The following ECEL1 variants were observed in gnomAD, a reference collection of about 807,000 sequenced individuals.
The protein encoded by ECEL1 is endothelin-converting enzyme-like 1.
ECEL1 carries 87 observed loss-of-function variants against 101.8 expected under a neutral mutation model. That is an observed-to-expected ratio of 0.85 (90% CI 0.72 to 1.02). ECEL1 has a LOEUF of 1.02. Among genes scored for constraint, ECEL1 ranks in the 50% least tolerant of loss-of-function variants. The pLI, the probability that ECEL1 is intolerant of heterozygous loss-of-function variation, is 0.00. For synonymous variants in ECEL1, 487 were observed against 468.7 expected, an observed-to-expected ratio of 1.04 and a Z score of -0.50; for missense variants, 1,032 against 1,079.2, an observed-to-expected ratio of 0.96 and a Z score of 0.61.
chr2:232,484,408 G>T lies in ECEL1; in HGVS notation c.1184+64C>A, dbSNP rs1023366161. 21 of 1,599,880 alleles carry T rather than the reference G, an allele frequency of 1.3e-5. No individual in the cohort carries two copies. The East Asian group carries it at 4.0e-4, about 31-fold the overall frequency. ...AATGTAAAGCCCACCCAGCAGAGAG[G>T]TCCAGGGTGCAGGGGAAGGACCTAG... On this transcript the variant is annotated intron_variant, in intron 6 of 17. Transcript: ENST00000304546.
intron 12 of ECEL1, 40 bp downstream of exon 12, chr2:232,482,378 C>G: frequency 6.2e-7 from 1 of 1,612,806 alleles, no homozygotes; most frequent in Non-Finnish European, 8.5e-7. Context: ...GCAATGCCAG[C>G]CCTGCCCTCA....
intron 9 of ECEL1, 36 bp from the exon 10 acceptor site, chr2:232,482,990 AG>A: frequency 1.2e-6 from 2 of 1,613,302 alleles, no homozygotes; most frequent in Non-Finnish European, 1.7e-6. Context: ...GCGGCAGGCC[AG>A]GGCAGGGCTA....
Position 232,481,162 on chromosome 2 carries a change from G to A in ECEL1, c.1990-6C>T, listed in dbSNP as rs180767588. 2.4e-4 allele frequency: 376 copies of A among 1,561,166 alleles called. 1 individual carries two copies. Among genetic ancestry groups the A allele is most frequent in the Middle Eastern group, 6.7e-4 (4 of 6,002 alleles). On this transcript the variant is annotated splice_polypyrimidine_tract_variant and splice_region_variant and intron_variant, in intron 14 of 17. Transcript: ENST00000304546. ...AGCGTGTGTTTCCCGTTCACCTGCC[G>A]GGAAGGGAAGAGGCCAGGGGGCTGC...
At position 232,486,047 on chromosome 2, in the gene ECEL1, C is replaced by G. The variant is rs1690714758; in HGVS notation, c.607G>C (p.Glu203Gln). The G allele has an allele frequency of 6.2e-7, 1 of 1,608,772 alleles. No homozygotes were observed. The highest frequency in any genetic ancestry group is 1.7e-5 in the Admixed American group (1 of 59,714). Residue 203 changes from glutamate to glutamine, a missense_variant, in exon 2 of 18, where the codon GAG becomes CAG. Physicochemically the swap from Glu to Gln is conservative, Grantham distance 29 (BLOSUM62 2). Coordinates refer to ENST00000304546, the MANE Select transcript of ECEL1 (RefSeq NM_004826.4). ...CAGCCCCCGCAGTCCTCGATGACCT[C>G]TAGCATGGGTCGCGGGCCCAGTCGC... ...IERLGPRPML[E>Q]VIEDCGGWDL...
rs746115037 is a variant in ECEL1, at chr2:232,484,057, T to C, written c.1351A>G (p.Met451Val). Residue 451 changes from methionine to valine, a missense_variant, in exon 7 of 18, where the codon ATG becomes GTG. Met to Val is a conservative substitution (Grantham distance 21, BLOSUM62 1). Coordinates refer to ENST00000304546, the MANE Select transcript of ECEL1 (RefSeq NM_004826.4). ...TGTACAAAGAGGGCGCCAAGCGCCA[T>C]GCCAAAGTGGCGATTGGCCTGGCCC... Reference protein sequence around the residue: ...CLGQANRHFGMALGALFVHEH... With the variant: ...CLGQANRHFGVALGALFVHEH... 3 of 1,612,786 alleles carry C rather than the reference T, an allele frequency of 1.9e-6. No homozygotes were observed. The highest frequency in any genetic ancestry group is 2.2e-5 in the South Asian group (2 of 91,046).
In ECEL1 at chr2:232,479,908, G is replaced by C. The variant is rs895983565; in HGVS notation, c.*245C>G. The C allele has an allele frequency of 5.3e-6, 3 of 569,218 alleles. No homozygotes were observed. Among genetic ancestry groups the C allele is most frequent in the African/African-American group, 3.8e-5 (2 of 53,198 alleles). 35.3% of individuals were successfully genotyped at this position (569,218 alleles called of 1,614,324 possible). ...CCCGTACAATCCAGCCTGGCAGAGG[G>C]TCTGGCCCCCTTAGAGCAGAATCTG... On this transcript the variant is annotated 3_prime_UTR_variant, in exon 18 of 18. Transcript: ENST00000304546.
chr2:232,481,562 G>C lies in ECEL1; in HGVS notation c.1933C>G (p.Arg645Gly), dbSNP rs756675006. ...WTEASYSRFL[R>G]KAECIVRLYD... is the part of the protein sequence containing the mutation. ...AGACGGACGATGCACTCAGCCTTTC[G>C]CAGGAAGCGGCTGTAGGAGGCCTCC... The change falls in exon 14 of 18, where the codon CGA becomes GGA. Residue 645 changes from arginine to glycine, a missense_variant. By Grantham distance (125) the Arg-to-Gly change is moderately radical. Coordinates refer to ENST00000304546, the MANE Select transcript of ECEL1 (RefSeq NM_004826.4). 1.2e-6 allele frequency: 2 copies of C among 1,613,810 alleles called. No individual in the cohort carries two copies. Among genetic ancestry groups the C allele is most frequent in the South Asian group, 2.2e-5 (2 of 91,070 alleles).
At position 232,481,678 on chromosome 2, in the gene ECEL1, C is replaced by T. The variant is rs760766235; in HGVS notation, c.1865-48G>A. On this transcript the variant is annotated intron_variant, in intron 13 of 17. Coordinates refer to ENST00000304546, the MANE Select transcript of ECEL1 (RefSeq NM_004826.4). ...AGACCCACCCTCACCTGAGCCCCCT[C>T]CCCTCCCCACCCACCAGCCCCAGTT... 3.1e-6 allele frequency: 5 copies of T among 1,595,534 alleles called. No individual in the cohort carries two copies. The African/African-American group carries it at 6.8e-5, about 22-fold the overall frequency.
Position 232,484,793 on chromosome 2 carries a change from A to G in ECEL1, c.1059+8T>C. On this transcript the variant is annotated splice_region_variant and intron_variant, in intron 5 of 17. Coordinates refer to ENST00000304546, the MANE Select transcript of ECEL1 (RefSeq NM_004826.4). ...CCTGCCTGCCCACGAGGACTGGGCC[A>G]CACTCACGTGGGGGGTGATCTTCTG... 1 of 1,613,748 alleles carries G rather than the reference A, an allele frequency of 6.2e-7. No homozygotes were observed. Among genetic ancestry groups the G allele is most frequent in the Non-Finnish European group, 8.5e-7 (1 of 1,179,984 alleles).
intron 2 of ECEL1, among the ~76,000 whole-genome samples, chr2:232,485,507 G>A (rs1309426329): frequency 6.6e-6 from 1 of 152,154 alleles, no homozygotes; most frequent in African/African-American, 2.4e-5. Flanking sequence ...TATCTGTCCG[G>A]GGCATTCGTA....
Position 232,482,474 on chromosome 2 carries a change from A to G in ECEL1, c.1745-5T>C. 6.2e-7 allele frequency: 1 copy of G among 1,614,004 alleles called. No individual in the cohort carries two copies. The highest frequency in any genetic ancestry group is 1.3e-5 in the African/African-American group (1 of 75,034). Reference sequence around the variant, plus strand: ...GCAGGATGCCCGCGGGGAACACTACAAGAAGGGGGTGCTCAGTGGGAAACC... The same window carrying G: ...GCAGGATGCCCGCGGGGAACACTACGAGAAGGGGGTGCTCAGTGGGAAACC... On this transcript the variant is annotated splice_region_variant and splice_polypyrimidine_tract_variant and intron_variant, in intron 11 of 17. Coordinates refer to ENST00000304546, the MANE Select transcript of ECEL1 (RefSeq NM_004826.4).
chr2:232,485,695 T>C (rs551249297), intron 2 of ECEL1, among the ~76,000 whole-genome samples, 173 bp downstream of exon 2: 30 of 152,262 alleles, frequency 2.0e-4, no homozygotes, highest in African/African-American at 7.2e-4. Context: ...GGAAATTACT[T>C]GCGCCCTCCT....
chr2:232,482,682 T>C (rs747066872), intron 10 of ECEL1, 74 bp from the exon 11 acceptor site: 9 of 1,551,042 alleles, frequency 5.8e-6, no homozygotes, highest in Non-Finnish European at 7.9e-6. Flanking sequence ...AGCTTCCTCG[T>C]CAGCCATCTC....
chr2:232,486,149 CG>C lies in ECEL1; in HGVS notation c.504del (p.Gly170ValfsTer33). 1 of 1,566,272 alleles carries C rather than the reference CG, an allele frequency of 6.4e-7. No individual in the cohort carries two copies. Among genetic ancestry groups the C allele is most frequent in the Non-Finnish European group, 8.6e-7 (1 of 1,161,088 alleles). On this transcript the variant is annotated frameshift_variant, in exon 2 of 18. Coordinates refer to ENST00000304546, the MANE Select transcript of ECEL1 (RefSeq NM_004826.4). LOFTEE classifies it high-confidence loss of function. ...TGGGCCGCGCCGCCAGGCCCACCCC[CG>C]GGCCGCGCCAGCAGGCGCCGTAGGC... ...EERLRRLLARPGGGPGGAAQR... is the reference protein window; with the variant it reads ...EERLRRLLARXGGGPGGAAQR...
At chr2:232,480,351 A>ACC in intron 17 of ECEL1, 48 bp downstream of exon 17, 2 of 1,611,664 alleles carry the variant, frequency 1.2e-6, no homozygotes, top group Non-Finnish European at 1.7e-6. Flanking sequence ...CCCTGATCCC[A>ACC]CCCCAAACAC....
intron 13 of ECEL1, 30 bp from the exon 14 acceptor site, chr2:232,481,660 C>T (rs374941711): frequency 1.9e-6 from 3 of 1,609,674 alleles, no homozygotes; most frequent in Non-Finnish European, 2.5e-6. Context: ...CTGAGACCCA[C>T]CCTCACCTGA....
intron 6 of ECEL1, 87 bp downstream of exon 6, chr2:232,484,384 AT>A: frequency 6.3e-7 from 1 of 1,582,642 alleles, no homozygotes; most frequent in South Asian, 1.2e-5. Context: ...AGAGCAGAAA[AT>A]GTAAAGCCCA....
rs140507020 is a variant in ECEL1, at chr2:232,480,431, C to T, written c.2196G>A (p.Val732=). Residue 732 remains valine (V), a synonymous_variant, in exon 17 of 18, where the codon GTG becomes GTA. Transcript: ENST00000304546. ...KRRSQSIYLQ[V]LTDKHAPEHY... ...GCTCAGGGGCATGCTTGTCAGTCAGCACCTGCAGGTAGATGGACTGCGACC... is the reference window on the plus strand; with the variant it reads ...GCTCAGGGGCATGCTTGTCAGTCAGTACCTGCAGGTAGATGGACTGCGACC... The T allele has an allele frequency of 2.8e-5, 45 of 1,613,978 alleles. No individual in the cohort carries two copies. In the African/African-American group the frequency reaches 5.5e-4, roughly 20 times the overall value.
chr2:232,485,086 C>G lies in ECEL1; in HGVS notation c.861G>C (p.Leu287=), dbSNP rs1416272868. The part of the protein sequence containing the change: ...LAQDEDSEKI[L]AAYRVFMERV... ...GCTCCATGAACACCCTGTATGCTGC[C>G]AGGATCTGCACCAGGGGAGGGGGCT... Residue 287 remains leucine, a synonymous_variant, in exon 4 of 18, where the codon CTG becomes CTC. Transcript: ENST00000304546. 1 of 1,611,652 alleles carries G rather than the reference C, an allele frequency of 6.2e-7. No homozygotes were observed. The highest frequency in any genetic ancestry group is 2.2e-5 in the East Asian group (1 of 44,870).
Sources: gnomAD v4.1 joint callset for allele counts (sites outside exome capture counted in the v4.1 genomes callset) on GRCh38, gnomAD v4.1.1 for gene constraint, MANE v1.5 for transcripts, NCBI Gene and HGNC (gene_info 2026-07-23, HGNC 2026-07-21) for gene names.